The following GNAZ variants were observed in gnomAD, a reference collection of about 807,000 sequenced individuals.
The protein encoded by GNAZ is G protein subunit alpha z, also known as guanine nucleotide-binding protein G(z) subunit alpha.
A neutral mutation model predicts 25.4 loss-of-function variants in GNAZ; 3 were observed. The observed-to-expected ratio is 0.12, with a 90% confidence interval of 0.05 to 0.30. The LOEUF (loss-of-function observed/expected upper bound fraction) is 0.30. Among genes scored for constraint, GNAZ ranks in the 10% least tolerant of loss-of-function variants. GNAZ has a pLI of 1.00. For synonymous variants in GNAZ, 211 were observed against 205.7 expected (o/e 1.03, Z -0.22); for missense variants, 241 against 501.8 (o/e 0.48, Z 4.97).
chr22:23,109,343 G>A (rs951617405), intron 2 of GNAZ, among the ~76,000 whole-genome samples: 8 of 150,072 alleles, frequency 5.3e-5, no homozygotes, highest in Non-Finnish European at 8.9e-5. Flanking sequence ...CCATGGCCCC[G>A]AGCTCTGCCC....
intron 2 of GNAZ, among the ~76,000 whole-genome samples, chr22:23,114,462 C>T (rs970868835): frequency 2.0e-5 from 3 of 152,216 alleles, no homozygotes; most frequent in African/African-American, 7.2e-5. Flanking sequence ...CCTGCAATGC[C>T]TTCCCTTCCC....
intron 2 of GNAZ, among the ~76,000 whole-genome samples, chr22:23,107,679 G>A (rs1221895135): frequency 6.6e-6 from 1 of 152,184 alleles, no homozygotes; most frequent in Admixed American, 6.5e-5. Flanking sequence ...CCAAGGGAGC[G>A]CAGCAGTGGA....
intron 1 of GNAZ, among the ~76,000 whole-genome samples, chr22:23,072,577 G>A (rs969920424): frequency 1.3e-5 from 2 of 152,192 alleles, no homozygotes; most frequent in African/African-American, 4.8e-5. Flanking sequence ...TTTGTAGTGT[G>A]CCTACCCTCC....
intron 2 of GNAZ, chr22:23,122,782 T>C (rs1454063971): frequency 2.3e-6 from 1 of 428,898 alleles, no homozygotes; most frequent in Non-Finnish European, 4.2e-6. Context: ...TAGGAGGCTG[T>C]GCTTGGCACA....
chr22:23,098,302 C>T (rs1005894973), intron 2 of GNAZ, among the ~76,000 whole-genome samples: 2 of 152,250 alleles, frequency 1.3e-5, no homozygotes, highest in Non-Finnish European at 2.9e-5. Flanking sequence ...TCCCAAGTGG[C>T]GCCTCCTGGG....
At chr22:23,113,338 C>T (rs901845485) in intron 2 of GNAZ, among the ~76,000 whole-genome samples, 1 of 152,236 alleles carries the variant, frequency 6.6e-6, no homozygotes, top group Non-Finnish European at 1.5e-5. Context: ...GCACCGCCTC[C>T]CTGTTTCATA....
chr22:23,104,025 C>T (rs1396975076), intron 2 of GNAZ, among the ~76,000 whole-genome samples: 2 of 151,998 alleles, frequency 1.3e-5, no homozygotes, highest in East Asian at 1.9e-4. Context: ...GGGGCCTAGA[C>T]GTTGGGAGCA....
At chr22:23,091,020 G>A (rs2068956171) in intron 1 of GNAZ, among the ~76,000 whole-genome samples, 1 of 152,160 alleles carries the variant, frequency 6.6e-6, no homozygotes, top group South Asian at 2.1e-4. Context: ...ACCACAGCTG[G>A]TTCCTCCTCT....
chr22:23,082,030 C>T (rs1036304093), intron 1 of GNAZ, among the ~76,000 whole-genome samples: 1 of 148,566 alleles, frequency 6.7e-6, no homozygotes, highest in Non-Finnish European at 1.5e-5. Flanking sequence ...GAGGCTGAGG[C>T]AGGAGAATGG....
intron 2 of GNAZ, among the ~76,000 whole-genome samples, chr22:23,108,401 C>T (rs1173494300): frequency 1.3e-5 from 2 of 152,246 alleles, no homozygotes; most frequent in African/African-American, 4.8e-5. Flanking sequence ...GATAGCTGAC[C>T]AGCTACACAA....
intron 2 of GNAZ, among the ~76,000 whole-genome samples, chr22:23,102,696 C>T (rs2069340243): frequency 1.3e-5 from 2 of 152,256 alleles, no homozygotes; most frequent in South Asian, 4.1e-4. Context: ...AGTGCATCAG[C>T]CACCCCTCCA....
At chr22:23,115,091 G>A (rs570524412) in intron 2 of GNAZ, among the ~76,000 whole-genome samples, 2 of 152,296 alleles carry the variant, frequency 1.3e-5, no homozygotes, top group East Asian at 1.9e-4. Context: ...GCTCTGTGCT[G>A]TGGCCACAGC....
intron 2 of GNAZ, among the ~76,000 whole-genome samples, chr22:23,109,169 A>G (rs74545160): frequency 0.044 from 6,648 of 152,206 alleles, 513 homozygotes; most frequent in African/African-American, 0.15. Flanking sequence ...CACCCAGAAT[A>G]ACTGCTGTCT....
chr22:23,071,256 G>A lies in GNAZ; in HGVS notation c.-450+686G>A, dbSNP rs546240708. Among the ~76,000 whole-genome samples, 1 of 152,168 alleles carries A rather than the reference G, an allele frequency of 6.6e-6. No individual in the cohort carries two copies. Among genetic ancestry groups the A allele is most frequent in the African/African-American group, 2.4e-5 (1 of 41,456 alleles). On this transcript the variant is annotated intron_variant, in intron 1 of 2. Transcript: ENST00000615612. The surrounding 1 kb of genome is among the most constrained non-coding windows in gnomAD (Gnocchi z 4.1). ...GTGAGGGCCTCAGGGCTGGCGCTCC[G>A]TATCCTGCGGGCGATCCGAGGGGGC...
chr22:23,103,135 G>A (rs1300627589), intron 2 of GNAZ, among the ~76,000 whole-genome samples: 1 of 152,218 alleles, frequency 6.6e-6, no homozygotes, highest in Non-Finnish European at 1.5e-5. Context: ...TGAGGGGCTA[G>A]AGCTGGCTCA....
chr22:23,082,958 G>A (rs776647607), intron 1 of GNAZ, among the ~76,000 whole-genome samples: 11 of 152,122 alleles, frequency 7.2e-5, no homozygotes, highest in Admixed American at 5.2e-4. Flanking sequence ...AAGTGGTCAA[G>A]ATCATATTAA....
chr22:23,078,677 C>T (rs1022442088), intron 1 of GNAZ, among the ~76,000 whole-genome samples: 2 of 152,206 alleles, frequency 1.3e-5, no homozygotes, highest in Non-Finnish European at 2.9e-5. Flanking sequence ...CTGGGTGGGC[C>T]AGGGTTTGGG....
intron 2 of GNAZ, among the ~76,000 whole-genome samples, chr22:23,116,721 C>T (rs1411320043): frequency 6.6e-6 from 1 of 152,192 alleles, no homozygotes; most frequent in African/African-American, 2.4e-5. Context: ...CCAGCCCAGG[C>T]GCTTGTCCCA....
intron 2 of GNAZ, among the ~76,000 whole-genome samples, chr22:23,118,738 A>G (rs917028858): frequency 6.6e-6 from 1 of 152,198 alleles, no homozygotes; most frequent in African/African-American, 2.4e-5. Context: ...CAAGGGGGTG[A>G]TGCACTACCA....
Sources: allele counts gnomAD v4.1 joint callset (sites outside exome capture counted in the v4.1 genomes callset), GRCh38; gene constraint gnomAD v4.1.1; non-coding constraint Gnocchi (gnomAD v3.1); transcripts MANE v1.5; gene names NCBI Gene and HGNC (gene_info 2026-07-23, HGNC 2026-07-21).